The following MED20 variants were observed in gnomAD, a reference collection of about 807,000 sequenced individuals.
MED20 encodes the protein mediator complex subunit 20.
Under a neutral mutation model 19.7 loss-of-function variants are expected in MED20, and 19 were observed. That is an observed-to-expected ratio of 0.96 (90% CI 0.67 to 1.42). MED20 has a LOEUF of 1.42. Ranked by LOEUF, MED20 falls within the 40% of genes most tolerant of loss-of-function variation. MED20 has a pLI of 0.00. For synonymous variants in MED20, 105 were observed against 104.8 expected (o/e 1.00, Z -0.01); for missense variants, 225 against 273.0 (o/e 0.82, Z 1.24).
In MED20 at chr6:41,907,274, G is replaced by A; in HGVS notation, c.437C>T (p.Pro146Leu). ...RGISVEVEYG[P>L]CVVASDCWSL... ...CCAGCAGTCACTAGCTACCACACAG[G>A]GGCCATACTCCACCTGGGAACCAAA... The change falls in exon 4 of 4, where the codon CCC (proline) becomes CTC (leucine). Residue 146 changes from proline to leucine, a missense_variant. Transcript: ENST00000265350. 6.2e-7 allele frequency: 1 copy of A among 1,612,508 alleles called. No homozygotes were observed. Among genetic ancestry groups the A allele is most frequent in the Non-Finnish European group, 8.5e-7 (1 of 1,179,370 alleles).
chr6:41,916,629 G>C (rs1341218905), intron 2 of MED20, among the ~76,000 whole-genome samples, 156 bp downstream of exon 2: 2 of 152,140 alleles, frequency 1.3e-5, no homozygotes, highest in Non-Finnish European at 2.9e-5. Context: ...CCTATTCTAA[G>C]AGATAAAGAA....
Position 41,907,245 on chromosome 6 carries a change from G to C in MED20, c.466C>G (p.Leu156Val). 6.2e-7 allele frequency: 1 copy of C among 1,613,910 alleles called. No homozygotes were observed. The highest frequency in any genetic ancestry group is 8.5e-7 in the Non-Finnish European group (1 of 1,179,976). ...AAACTCTGTAGGAACTCGAGCAGCA[G>C]ACTCCAGCAGTCACTAGCTACCACA... ...PCVVASDCWS[L>V]LLEFLQSFLG... Residue 156 changes from leucine to valine, a missense_variant, in exon 4 of 4, where the codon CTG becomes GTG. Leu to Val is a conservative substitution (Grantham distance 32). Coordinates refer to ENST00000265350, the MANE Select transcript of MED20 (RefSeq NM_004275.5).
intron 2 of MED20, among the ~76,000 whole-genome samples, chr6:41,911,532 G>A (rs1171607097): frequency 6.6e-6 from 1 of 151,984 alleles, no homozygotes; most frequent in African/African-American, 2.4e-5. Context: ...TTCGGAAAAA[G>A]GAAAGACTTC....
chr6:41,907,760 C>T (rs1201604542), intron 3 of MED20, among the ~76,000 whole-genome samples: 5 of 152,002 alleles, frequency 3.3e-5, no homozygotes, highest in South Asian at 4.2e-4. Context: ...GGTTCTGACC[C>T]TAAGAAAGAA....
chr6:41,915,389 G>T (rs997543025), intron 2 of MED20, among the ~76,000 whole-genome samples: 5 of 152,184 alleles, frequency 3.3e-5, no homozygotes, highest in Admixed American at 1.3e-4. Context: ...AGCTACTCAG[G>T]AGGCTAAGGT....
chr6:41,910,060 GGATC>G (rs1425695717), intron 2 of MED20, among the ~76,000 whole-genome samples: 1 of 152,024 alleles, frequency 6.6e-6, no homozygotes, highest in East Asian at 1.9e-4. Context: ...AAGGTAGATG[GGATC>G]CAAGCTGTGA....
chr6:41,916,901 T>G lies in MED20; in HGVS notation c.53A>C (p.Gln18Pro). 1 of 1,614,004 alleles carries G rather than the reference T, an allele frequency of 6.2e-7. No homozygotes were observed. Among genetic ancestry groups the G allele is most frequent in the Non-Finnish European group, 8.5e-7 (1 of 1,179,970 alleles). The part of the protein sequence containing the change: ...QMPVAEGKSV[Q>P]QTVELLTRKL... ...CCGGGTAAGGAGCTCTACGGTTTGCTGAACACTCTTGCCCTCGGCCACAGG... is the reference window on the plus strand; with the variant it reads ...CCGGGTAAGGAGCTCTACGGTTTGCGGAACACTCTTGCCCTCGGCCACAGG... Residue 18 changes from glutamine (Q) to proline (P), a missense_variant, in exon 2 of 4, where the codon CAG (glutamine) becomes CCG (proline). Coordinates refer to ENST00000265350, the MANE Select transcript of MED20 (RefSeq NM_004275.5).
intron 3 of MED20, chr6:41,908,877 T>C (rs1775118612): frequency 4.1e-6 from 1 of 244,934 alleles, no homozygotes; most frequent in Non-Finnish European, 7.8e-6. Context: ...TAGGCATAAA[T>C]ATCTGTTTAA....
At position 41,921,099 on chromosome 6, in the gene MED20, C is replaced by T; in HGVS notation, c.-81G>A. The stretch of plus-strand genomic sequence containing the variant: ...CCGCCCACAGAAACTCCTTCAGTTC[C>T]CCAACACAACCTTCTGTCTCAGAAG... On this transcript the variant is annotated 5_prime_UTR_variant, in exon 1 of 4. Coordinates refer to ENST00000265350, the MANE Select transcript of MED20 (RefSeq NM_004275.5). 6.4e-7 allele frequency: 1 copy of T among 1,559,058 alleles called. No individual in the cohort carries two copies. The highest frequency in any genetic ancestry group is 8.8e-7 in the Non-Finnish European group (1 of 1,141,258).
At chr6:41,913,570 T>C (rs892201301) in intron 2 of MED20, among the ~76,000 whole-genome samples, 3 of 152,178 alleles carry the variant, frequency 2.0e-5, no homozygotes, top group Admixed American at 6.6e-5. Context: ...ATAAAAGAGC[T>C]CAGTACAACT....
chr6:41,909,750 C>T (rs1014937479), intron 2 of MED20, among the ~76,000 whole-genome samples: 12 of 152,206 alleles, frequency 7.9e-5, no homozygotes, highest in Admixed American at 2.6e-4. Flanking sequence ...CTACAGAAAA[C>T]AGTGAGGGGC....
At chr6:41,909,165 C>T in intron 3 of MED20, 104 bp downstream of exon 3, 2 of 1,437,854 alleles carry the variant, frequency 1.4e-6, no homozygotes, top group South Asian at 2.8e-5. Context: ...CAGAACAAGA[C>T]TCTGTCTCAA....
intron 2 of MED20, among the ~76,000 whole-genome samples, chr6:41,915,546 G>C (rs915217074): frequency 2.0e-5 from 3 of 151,972 alleles, no homozygotes; most frequent in Non-Finnish European, 4.4e-5. Flanking sequence ...CCAGCACTTC[G>C]GGAGGCCGAG....
At chr6:41,915,854 C>T (rs1775303413) in intron 2 of MED20, among the ~76,000 whole-genome samples, 2 of 151,428 alleles carry the variant, frequency 1.3e-5, no homozygotes, top group African/African-American at 2.4e-5. Context: ...TGTTTAGTAC[C>T]TTGGTTTTGG....
chr6:41,911,916 A>C (rs1775204208), intron 2 of MED20, among the ~76,000 whole-genome samples: 1 of 152,182 alleles, frequency 6.6e-6, no homozygotes, highest in African/African-American at 2.4e-5. Flanking sequence ...CTGTAATTGC[A>C]TACTTTATTC....
At chr6:41,915,631 C>G (rs1255438653) in intron 2 of MED20, among the ~76,000 whole-genome samples, 4 of 152,238 alleles carry the variant, frequency 2.6e-5, no homozygotes, top group Admixed American at 1.3e-4. Context: ...ACTAAAAATA[C>G]AAAAAATTAG....
chr6:41,918,497 T>TC (rs1475135663), intron 1 of MED20, among the ~76,000 whole-genome samples: 3 of 142,098 alleles, frequency 2.1e-5, no homozygotes, highest in Non-Finnish European at 3.0e-5. Flanking sequence ...AGAGCGAAAC[T>TC]CCATCTCAAA....
At chr6:41,909,656 G>A (rs1400473217) in intron 2 of MED20, 134 bp from the exon 3 acceptor site, 2 of 1,324,348 alleles carry the variant, frequency 1.5e-6, no homozygotes, top group African/African-American at 1.5e-5. Context: ...TTGGGGGTGA[G>A]GGGAATCCTC....
intron 3 of MED20, chr6:41,909,027 A>G: frequency 1.9e-6 from 1 of 530,906 alleles, no homozygotes; most frequent in Middle Eastern, 5.0e-4. Flanking sequence ...TACTAAAAAA[A>G]AAAAAAAATT....
Sources: allele counts gnomAD v4.1 joint callset (sites outside exome capture counted in the v4.1 genomes callset), GRCh38; gene constraint gnomAD v4.1.1; transcripts MANE v1.5; gene names NCBI Gene and HGNC (gene_info 2026-07-23, HGNC 2026-07-21).